Variants in GATA4 observed in about 807,000 individuals in gnomAD.
GATA4 encodes transcription factor GATA-4.
A neutral mutation model predicts 37.9 loss-of-function variants in GATA4; 7 were observed. That is an observed-to-expected ratio of 0.18 (90% CI 0.11 to 0.35). GATA4 has a LOEUF of 0.35. Ranked by LOEUF, GATA4 falls within the 10% of genes least tolerant of loss-of-function variation. The pLI, the probability that GATA4 is intolerant of heterozygous loss-of-function variation, is 1.00. For synonymous variants in GATA4, 372 were observed against 292.6 expected, an observed-to-expected ratio of 1.27 and a Z score of -2.77; for missense variants, 647 against 653.0, an observed-to-expected ratio of 0.99 and a Z score of 0.10.
chr8:11,744,765 C>T (rs771116076), intron 2 of GATA4, among the ~76,000 whole-genome samples: 2 of 152,144 alleles, frequency 1.3e-5, no homozygotes, highest in Admixed American at 6.5e-5. Flanking sequence ...AGGAGGTTGA[C>T]TATTGGATGT....
intron 2 of GATA4, among the ~76,000 whole-genome samples, chr8:11,721,340 G>A (rs1359639119): frequency 1.3e-5 from 2 of 148,962 alleles, no homozygotes; most frequent in African/African-American, 5.0e-5. Context: ...AGTGGAGGGC[G>A]CGAGGCAGGA....
At position 11,683,631 on chromosome 8, in the gene GATA4, C is replaced by T. The variant is rs913671834; in HGVS notation, c.-274+6568C>T. On this transcript the variant is annotated intron_variant, in intron 1 of 6. Transcript: ENST00000528712. ...CGCTGGGCGTTATGCCTTGTACTGA[C>T]AGGTTAAATTATTTGCCCAAGATGA... Among the ~76,000 whole-genome samples, 3 of 152,172 alleles carry T rather than the reference C, an allele frequency of 2.0e-5. No individual in the cohort carries two copies. In the East Asian group the frequency reaches 5.8e-4, roughly 29 times the overall value.
rs1800062349 is a variant in GATA4 at position 11,709,449 on chromosome 8, G to A, written c.616+521G>A. 6.6e-6 allele frequency among the ~76,000 whole-genome samples: 1 copy of A among 152,150 alleles called. No homozygotes were observed. Among genetic ancestry groups the A allele is most frequent in the Non-Finnish European group, 1.5e-5 (1 of 67,998 alleles). ...CCTCGGGGTAGCTGATGATTTTCCC[G>A]TCGGGGGTCTCACACCGAGAACAAA... On this transcript the variant is annotated intron_variant, in intron 2 of 6. Coordinates refer to ENST00000532059, the MANE Select transcript of GATA4 (RefSeq NM_001308093.3). The surrounding 1 kb of genome is among the most constrained non-coding windows in gnomAD (Gnocchi z 4.3).
chr8:11,728,034 A>T (rs1289651975), intron 2 of GATA4, among the ~76,000 whole-genome samples: 1 of 152,232 alleles, frequency 6.6e-6, no homozygotes, highest in African/African-American at 2.4e-5. Flanking sequence ...CTTGTTGCCC[A>T]GGCTGGAGTG....
intron 1 of GATA4, among the ~76,000 whole-genome samples, chr8:11,698,690 A>T (rs748336418): frequency 6.6e-6 from 1 of 151,290 alleles, no homozygotes; most frequent in Non-Finnish European, 1.5e-5. Context: ...AGGCCCGGGG[A>T]CTCCCTCGCC....
chr8:11,683,763 A>G (rs1300510301), intron 1 of GATA4, among the ~76,000 whole-genome samples: 1 of 152,192 alleles, frequency 6.6e-6, no homozygotes, highest in East Asian at 1.9e-4. Flanking sequence ...TTGGCGTTGG[A>G]AGGGCCCCAG....
intron 2 of GATA4, among the ~76,000 whole-genome samples, chr8:11,747,417 C>T (rs956017943): frequency 2.7e-4 from 41 of 152,258 alleles, no homozygotes; most frequent in African/African-American, 8.9e-4. Context: ...CGGCAGACCC[C>T]GGCAGCCTTG....
chr8:11,735,584 C>T (rs1256359587), intron 2 of GATA4, among the ~76,000 whole-genome samples: 1 of 152,094 alleles, frequency 6.6e-6, no homozygotes, highest in Non-Finnish European at 1.5e-5. Context: ...TTTTTTGAGA[C>T]GGAGTTTTGC....
intron 1 of GATA4, chr8:11,692,676 C>A (rs898224792): frequency 1.1e-6 from 1 of 938,884 alleles, no homozygotes; most frequent in African/African-American, 1.8e-5. Flanking sequence ...TGCGGGGGTG[C>A]GGGGGTGAGG....
In GATA4 at chr8:11,758,867, G is replaced by A. The variant is rs1292507870; in HGVS notation, c.*392G>A. ...GGCCCTGGGACCCCTGCTCCAGCCCGAATGACGGCATCTGTTTGCCATGTA... is the reference window on the plus strand; with the variant it reads ...GGCCCTGGGACCCCTGCTCCAGCCCAAATGACGGCATCTGTTTGCCATGTA... On this transcript the variant is annotated 3_prime_UTR_variant, in exon 7 of 7. Transcript: ENST00000532059. 1.5e-5 allele frequency: 5 copies of A among 328,646 alleles called. No homozygotes were observed. Among genetic ancestry groups the A allele is most frequent in the South Asian group, 5.4e-5 (2 of 37,134 alleles). The allele number at this position is 328,646 out of a possible 1,614,324, so 20.4% of individuals were successfully genotyped here.
At chr8:11,701,055 A>T (rs575993354), upstream of GATA4, among the ~76,000 whole-genome samples, 7 of 152,176 alleles carry the variant, frequency 4.6e-5, no homozygotes, top group African/African-American at 1.7e-4. Context: ...TCTGTACACA[A>T]TACGCAGCGT....
At chr8:11,683,045 A>AC in intron 1 of GATA4, 1 of 985,272 alleles carries the variant, frequency 1.0e-6, no homozygotes, top group Non-Finnish European at 1.2e-6. Flanking sequence ...GGGTTTCTCG[A>AC]CAGCTCTCTG....
At chr8:11,717,129 C>A (rs1164431391) in intron 2 of GATA4, among the ~76,000 whole-genome samples, 1 of 152,184 alleles carries the variant, frequency 6.6e-6, no homozygotes, top group Non-Finnish European at 1.5e-5. Context: ...ATATGCCATA[C>A]AACATAAACT....
At chr8:11,702,571 C>T (rs1799717653), upstream of GATA4, among the ~76,000 whole-genome samples, 1 of 146,986 alleles carries the variant, frequency 6.8e-6, no homozygotes, top group Admixed American at 6.8e-5. This position sits in a 1 kb window ranked among gnomAD's most constrained non-coding sequence, Gnocchi z 4.4. Flanking sequence ...GCTCCGGAGA[C>T]CGCTTTTCCG....
At position 11,749,941 on chromosome 8, in the gene GATA4, G is replaced by A. The variant is rs551292869; in HGVS notation, c.787-170G>A. 2.0e-5 allele frequency among the ~76,000 whole-genome samples: 3 copies of A among 152,348 alleles called. No homozygotes were observed. Among genetic ancestry groups the A allele is most frequent in the East Asian group, 3.9e-4 (2 of 5,180 alleles). On this transcript the variant is annotated intron_variant, in intron 3 of 6. Transcript: ENST00000532059. This position sits in a 1 kb window ranked among gnomAD's most constrained non-coding sequence, Gnocchi z 4.6. Reference sequence around the variant, plus strand: ...GTTCTGATTTATTCCTCGCAGTGGCGCAGGTGACAGGAGAGTTAGGTGCCG... The same window carrying A: ...GTTCTGATTTATTCCTCGCAGTGGCACAGGTGACAGGAGAGTTAGGTGCCG...
At chr8:11,717,051 G>A (rs1013021318) in intron 2 of GATA4, among the ~76,000 whole-genome samples, 3 of 152,222 alleles carry the variant, frequency 2.0e-5, no homozygotes, top group Non-Finnish European at 2.9e-5. Flanking sequence ...AGAACCAGCT[G>A]TTAAGGCTCT....
Position 11,708,735 on chromosome 8 carries a change from G to T in GATA4, c.423G>T (p.Ala141=). The part of the protein sequence containing the change: ...AYSSGGGAAG[A]GLAGREQYGR... ...GCAGTGGCGGCGGAGCGGCGGGTGC[G>T]GGCCTGGCGGGCCGCGAGCAGTACG... The change falls in exon 2 of 7, where the codon GCG becomes GCT. Residue 141 remains alanine (A), a synonymous_variant. Coordinates refer to ENST00000532059, the MANE Select transcript of GATA4 (RefSeq NM_001308093.3). The surrounding 1 kb of genome is among the most constrained non-coding windows in gnomAD (Gnocchi z 6.7). 7.7e-7 allele frequency: 1 copy of T among 1,293,726 alleles called. No homozygotes were observed. Among genetic ancestry groups the T allele is most frequent in the Non-Finnish European group, 9.7e-7 (1 of 1,028,342 alleles). 80.1% of individuals were successfully genotyped at this position (1,293,726 alleles called of 1,614,324 possible).
intron 3 of GATA4, 44 bp from the exon 4 acceptor site, chr8:11,750,067 A>G (rs776394753): frequency 1.2e-6 from 2 of 1,613,660 alleles, no homozygotes; most frequent in South Asian, 2.2e-5. Flanking sequence ...AGGGCAGTGC[A>G]CACCTTTTAC....
intron 1 of GATA4, among the ~76,000 whole-genome samples, chr8:11,685,299 G>A (rs900759243): frequency 1.8e-4 from 27 of 152,212 alleles, no homozygotes; most frequent in African/African-American, 5.5e-4. Context: ...GAAGACTAAT[G>A]TTTCCAATTC....
Sources: gnomAD v4.1 joint callset for allele counts (sites outside exome capture counted in the v4.1 genomes callset) on GRCh38, gnomAD v4.1.1 for gene constraint, Gnocchi (gnomAD v3.1) non-coding constraint, MANE v1.5 for transcripts, NCBI Gene and HGNC (gene_info 2026-07-23, HGNC 2026-07-21) for gene names.